The following TCP11L1 variants were observed in gnomAD, a reference collection of about 807,000 sequenced individuals.
TCP11L1 encodes T-complex protein 11-like protein 1.
Under a neutral mutation model 48.9 loss-of-function variants are expected in TCP11L1, and 28 were observed. That is an observed-to-expected ratio of 0.57 (90% confidence interval 0.42 to 0.78). TCP11L1 has a LOEUF of 0.78. Among genes scored for constraint, TCP11L1 ranks in the 30% least tolerant of loss-of-function variants. The pLI, the probability that TCP11L1 is intolerant of heterozygous loss-of-function variation, is 0.00. For missense variants in TCP11L1, 505 were observed against 613.4 expected, an observed-to-expected ratio of 0.82 and a Z score of 1.87; for synonymous variants, 204 against 231.9, an observed-to-expected ratio of 0.88 and a Z score of 1.09.
chr11:33,048,242 G>A (rs899031751), intron 2 of TCP11L1, among the ~76,000 whole-genome samples: 1 of 151,182 alleles, frequency 6.6e-6, no homozygotes, highest in Non-Finnish European at 1.5e-5. Flanking sequence ...TGAACTCCTG[G>A]GCTCAAGTGA....
At chr11:33,065,768 C>T (rs1854597073) in intron 7 of TCP11L1, 62 bp from the exon 8 acceptor site, 2 of 1,565,704 alleles carry the variant, frequency 1.3e-6, no homozygotes, top group Non-Finnish European at 1.7e-6. Context: ...CTGTGGCGCT[C>T]CCGCCCTCTG....
At position 33,071,899 on chromosome 11, in the gene TCP11L1, G is replaced by A. The variant is rs557464903; in HGVS notation, c.1328-575G>A. 2.0e-5 allele frequency among the ~76,000 whole-genome samples: 3 copies of A among 152,172 alleles called. No individual in the cohort carries two copies. In the South Asian group the frequency reaches 6.2e-4, roughly 32 times the overall value. On this transcript the variant is annotated intron_variant, in intron 9 of 9. Transcript: ENST00000334274. Reference sequence around the variant, plus strand: ...CTGGCTCTGTCGCCCAGGCTGGAGTGCAATGGCATGATCTCAGCTCACTGT... The same window carrying A: ...CTGGCTCTGTCGCCCAGGCTGGAGTACAATGGCATGATCTCAGCTCACTGT...
At chr11:33,062,697 G>T (rs1854501821) in intron 7 of TCP11L1, among the ~76,000 whole-genome samples, 1 of 152,118 alleles carries the variant, frequency 6.6e-6, no homozygotes, top group South Asian at 2.1e-4. Context: ...CTGGCCCCTG[G>T]CAGCCACCAT....
chr11:33,061,986 G>A (rs1037257579), intron 7 of TCP11L1, among the ~76,000 whole-genome samples: 1 of 152,094 alleles, frequency 6.6e-6, no homozygotes, highest in East Asian at 1.9e-4. Context: ...GGAGGCTGAG[G>A]CAGAGAATTG....
chr11:33,046,231 G>C (rs1853990712), intron 2 of TCP11L1, among the ~76,000 whole-genome samples: 1 of 152,266 alleles, frequency 6.6e-6, no homozygotes, highest in African/African-American at 2.4e-5. Flanking sequence ...CATTAAGTGA[G>C]ACATGCAAGC....
chr11:33,067,242 C>T (rs1275242670), intron 8 of TCP11L1, among the ~76,000 whole-genome samples: 1 of 152,168 alleles, frequency 6.6e-6, no homozygotes, highest in East Asian at 1.9e-4. Context: ...TGGGTGACTT[C>T]TATGGTTTCC....
chr11:33,058,694 G>A (rs1400970671), intron 5 of TCP11L1, among the ~76,000 whole-genome samples: 1 of 151,834 alleles, frequency 6.6e-6, no homozygotes, highest in Non-Finnish European at 1.5e-5. Flanking sequence ...ATTTTCTTTT[G>A]AAAAATTCCA....
rs1429630656 is a variant in TCP11L1, at chr11:33,072,509, G to A, written c.1363G>A (p.Ala455Thr). The change falls in exon 10 of 10, where the codon GCC (alanine) becomes ACC (threonine). Residue 455 changes from alanine (A) to threonine (T), a missense_variant. Ala to Thr is a moderately conservative substitution (Grantham distance 58). Transcript: ENST00000334274. Reference sequence around the variant, plus strand: ...CCTGACCTTCTTAGAAACCTACCTTGCCTCGGGTCATCAGAAGCCATTGCC... The same window carrying A: ...CCTGACCTTCTTAGAAACCTACCTTACCTCGGGTCATCAGAAGCCATTGCC... ...RILTFLETYL[A>T]SGHQKPLPTV... 1 of 1,614,142 alleles carries A rather than the reference G, an allele frequency of 6.2e-7. No homozygotes were observed. Among genetic ancestry groups the A allele is most frequent in the Non-Finnish European group, 8.5e-7 (1 of 1,180,032 alleles).
rs779260155 is a variant in TCP11L1, at chr11:33,043,896, G to A, written c.123G>A (p.Lys41=). The A allele has an allele frequency of 6.2e-7, 1 of 1,613,634 alleles. No individual in the cohort carries two copies. The highest frequency in any genetic ancestry group is 1.1e-5 in the South Asian group (1 of 90,956). ...GADEALQKAI[K]SDSSSPQRVQ... ...ATGAAGCCTTACAAAAAGCAATAAA[G>A]TCAGACTCCTCCAGCCCCCAAAGAG... is the stretch of plus-strand genomic sequence containing the variant. Residue 41 remains lysine, a synonymous_variant, in exon 2 of 10, where the codon AAG becomes AAA. Coordinates refer to ENST00000334274, the MANE Select transcript of TCP11L1 (RefSeq NM_018393.4).
chr11:33,058,063 G>A lies in TCP11L1; in HGVS notation c.562G>A (p.Gly188Arg), dbSNP rs776793977. 3.1e-6 allele frequency: 5 copies of A among 1,614,008 alleles called. No homozygotes were observed. Among genetic ancestry groups the A allele is most frequent in the African/African-American group, 1.3e-5 (1 of 74,912 alleles). ...GGCAGAATTCATTATTGGCATGATG[G>A]GGACACTGTGTGCACCTGCTCGAGA... ...KLAEFIIGMM[G>R]TLCAPARDEE... The change falls in exon 5 of 10, where the codon GGG (glycine) becomes AGG (arginine). Residue 188 changes from glycine (G) to arginine (R), a missense_variant. This residue lies in a region of TCP11L1 where 335 missense variants were observed against 413.3 expected (regional missense o/e 0.81). Transcript: ENST00000334274.
Position 33,072,687 on chromosome 11 carries a change from C to T in TCP11L1, c.*11C>T. On this transcript the variant is annotated 3_prime_UTR_variant, in exon 10 of 10. Transcript: ENST00000334274. ...CTCGTCCGATCCTAACGTGTATGCA[C>T]CCTACAGCAGCAGTATTACTCACTA... 6.2e-7 allele frequency: 1 copy of T among 1,613,950 alleles called. No individual in the cohort carries two copies. Among genetic ancestry groups the T allele is most frequent in the Admixed American group, 1.7e-5 (1 of 60,020 alleles).
Position 33,061,650 on chromosome 11 carries a change from T to C in TCP11L1, c.896T>C (p.Leu299Pro). 25 of 1,613,020 alleles carry C rather than the reference T, an allele frequency of 1.5e-5. No homozygotes were observed. Among genetic ancestry groups the C allele is most frequent in the Non-Finnish European group, 2.1e-5 (25 of 1,179,476 alleles). ...GCTGGCTCTGGGGACATGCCCAGGC[T>C]GAGCCCTGTTGCTGTCCAGAATTAC... is the stretch of plus-strand genomic sequence containing the variant. ...MAAGSGDMPR[L>P]SPVAVQNYAY... Residue 299 changes from leucine (L) to proline (P), a missense_variant, in exon 7 of 10, where the codon CTG becomes CCG. Physicochemically the swap from Leu to Pro is moderately conservative, Grantham distance 98 (BLOSUM62 -3). Around this residue, in one of 3 missense-constraint regions of TCP11L1, gnomAD observed 335 missense variants for 413.3 expected, o/e 0.81. Transcript: ENST00000334274.
rs375189670 is a variant in TCP11L1 at position 33,042,849 on chromosome 11, T to C, written c.-24-901T>C. On this transcript the variant is annotated intron_variant, in intron 1 of 9. Transcript: ENST00000334274. The stretch of plus-strand genomic sequence containing the variant: ...TTGGGAGGCCAGGGCAGGTGGATCA[T>C]GAGGTCAGGAGTTCGAAACCAGCCT... Among the ~76,000 whole-genome samples the C allele has an allele frequency of 4.5e-4, 69 of 152,078 alleles. 1 individual carries two copies. Among genetic ancestry groups the C allele is most frequent in the African/African-American group, 1.6e-3 (67 of 41,496 alleles).
At chr11:33,069,021 G>T (rs1854700862) in intron 9 of TCP11L1, among the ~76,000 whole-genome samples, 162 bp downstream of exon 9, 1 of 152,182 alleles carries the variant, frequency 6.6e-6, no homozygotes, top group Non-Finnish European at 1.5e-5. Flanking sequence ...CAACAGATGG[G>T]CACAGGACCA....
chr11:33,072,717 C>T lies in TCP11L1; in HGVS notation c.*41C>T. On this transcript the variant is annotated 3_prime_UTR_variant, in exon 10 of 10. Coordinates refer to ENST00000334274, the MANE Select transcript of TCP11L1 (RefSeq NM_018393.4). ...CAGCAGCAGTATTACTCACTAGCCA[C>T]AGAATACCTGTTCTGTACTCTAATG... 6.2e-7 allele frequency: 1 copy of T among 1,606,466 alleles called. No homozygotes were observed. Among genetic ancestry groups the T allele is most frequent in the South Asian group, 1.1e-5 (1 of 90,866 alleles).
intron 2 of TCP11L1, among the ~76,000 whole-genome samples, chr11:33,047,444 C>T (rs1854031975): frequency 6.6e-6 from 1 of 152,226 alleles, no homozygotes; most frequent in Non-Finnish European, 1.5e-5. Flanking sequence ...AAAATACCCT[C>T]TGTTCTAACG....
chr11:33,066,567 G>C (rs142440517), intron 8 of TCP11L1, among the ~76,000 whole-genome samples: 2 of 152,156 alleles, frequency 1.3e-5, no homozygotes, highest in Non-Finnish European at 2.9e-5. Context: ...TCCATTCCCT[G>C]TTAGCATGCT....
intron 1 of TCP11L1, chr11:33,040,093 G>C (rs1280343469): frequency 1.5e-5 from 2 of 137,654 alleles, no homozygotes; most frequent in African/African-American, 5.4e-5. Flanking sequence ...GATTCCCGGC[G>C]CCGGGGGACA....
At chr11:33,040,208 T>G (rs75348532) in intron 1 of TCP11L1, 1 of 152,140 alleles carries the variant, frequency 6.6e-6, no homozygotes, top group Admixed American at 6.5e-5. Context: ...TCTTGGCAAG[T>G]GCGAGGATCC....
Sources: gnomAD v4.1 joint callset for allele counts (sites outside exome capture counted in the v4.1 genomes callset) on GRCh38, gnomAD v4.1.1 for gene constraint, gnomAD v4.1.1 regional missense constraint, MANE v1.5 for transcripts, NCBI Gene and HGNC (gene_info 2026-07-23, HGNC 2026-07-21) for gene names.